CHD8: variants seen among roughly 807,000 people sequenced by gnomAD.
CHD8 encodes the protein chromodomain helicase DNA binding protein 8.
In CHD8, 31 loss-of-function variants were observed where a neutral mutation model predicts 279.2. That is an observed-to-expected ratio of 0.11 (90% CI 0.08 to 0.15). The LOEUF is 0.15. CHD8 is among the 10% of genes least tolerant of loss of function. CHD8 has a pLI of 1.00. For synonymous variants in CHD8, 1,081 were observed against 1,139.6 expected (o/e 0.95, Z 1.04); for missense variants, 2,146 against 3,230.5 (o/e 0.66, Z 8.14).
At chr14:21,386,732 G>A (rs377314632) in intron 37 of CHD8, among the ~76,000 whole-genome samples, 7 of 152,012 alleles carry the variant, frequency 4.6e-5, no homozygotes, top group African/African-American at 9.7e-5. Context: ...ACAGCTACTC[G>A]GGAGGCTGAG....
At position 21,400,063 on chromosome 14, in the gene CHD8, A is replaced by G. The variant is rs1379911697; in HGVS notation, c.4735T>C (p.Leu1579=). The change falls in exon 25 of 38, where the codon TTG becomes CTG. Residue 1579 remains leucine (L), a synonymous_variant. Transcript: ENST00000646647. The surrounding 1 kb of genome is among the most constrained non-coding windows in gnomAD (Gnocchi z 4.2). ...AGGTAGTATAGCATTCGTACCCGCA[A>G]CAGTACCCTAGAAAGGACAGAGGAA... ...HLKHQCNKVL[L]RVRMLYYLRQ... is the part of the protein sequence containing the mutation. 10 of 1,613,782 alleles carry G rather than the reference A, an allele frequency of 6.2e-6. No individual in the cohort carries two copies. Among genetic ancestry groups the G allele is most frequent in the Non-Finnish European group, 8.5e-6 (10 of 1,179,824 alleles).
chr14:21,444,515 G>A (rs1281124861), intron 1 of CHD8, among the ~76,000 whole-genome samples: 1 of 152,070 alleles, frequency 6.6e-6, no homozygotes, highest in Non-Finnish European at 1.5e-5. Flanking sequence ...GTCAGCCTAA[G>A]CCTGCTCTAG....
chr14:21,432,230 C>CCAGAATTA (rs1318103003), intron 1 of CHD8, among the ~76,000 whole-genome samples: 2 of 152,100 alleles, frequency 1.3e-5, no homozygotes, highest in Admixed American at 6.5e-5. Context: ...AAATATGCCA[C>CCAGAATTA]CAGAATTACA....
intron 21 of CHD8, 40 bp downstream of exon 21, chr14:21,401,363 G>A (rs371635478): frequency 1.7e-6 from 2 of 1,188,404 alleles, no homozygotes; most frequent in Non-Finnish European, 2.4e-6. Flanking sequence ...AAAGTAGTGT[G>A]GTCTTCTGCG....
chr14:21,432,000 C>G lies in CHD8; in HGVS notation c.-215-142G>C, dbSNP rs1889585763. Reference sequence around the variant, plus strand: ...GTGAGGAAATCTGAGGACGGACATACAGCAGAAAGACACTCATATTTCTGC... The same window carrying G: ...GTGAGGAAATCTGAGGACGGACATAGAGCAGAAAGACACTCATATTTCTGC... On this transcript the variant is annotated intron_variant, in intron 1 of 37. Coordinates refer to ENST00000646647, the MANE Select transcript of CHD8 (RefSeq NM_001170629.2). The G allele has an allele frequency of 8.0e-6, 5 of 623,326 alleles. No homozygotes were observed. The Admixed American group carries it at 1.1e-4, about 14-fold the overall frequency. The allele number at this position is 623,326 out of a possible 1,614,324, so 38.6% of individuals were successfully genotyped here.
At position 21,408,136 on chromosome 14, in the gene CHD8, A is replaced by T. The variant is rs982946354; in HGVS notation, c.2730+176T>A. On this transcript the variant is annotated intron_variant, in intron 13 of 37. Coordinates refer to ENST00000646647, the MANE Select transcript of CHD8 (RefSeq NM_001170629.2). The surrounding 1 kb of genome is among the most constrained non-coding windows in gnomAD (Gnocchi z 4.3). ...GTCTACTAGGTAAAAAAAATAGCAA[A>T]GTCAAAAAAATGCCCTGCACACTGC... Among the ~76,000 whole-genome samples, 7 of 152,216 alleles carry T rather than the reference A, an allele frequency of 4.6e-5. No homozygotes were observed. Among genetic ancestry groups the T allele is most frequent in the African/African-American group, 1.7e-4 (7 of 41,450 alleles).
At position 21,394,448 on chromosome 14, in the gene CHD8, C is replaced by A. The variant is rs777491813; in HGVS notation, c.5428G>T (p.Val1810Leu). Residue 1810 changes from valine (V) to leucine (L), a missense_variant, in exon 31 of 38, where the codon GTG (valine) becomes TTG (leucine). Val to Leu is a conservative substitution (Grantham distance 32). Around this residue, in one of 26 missense-constraint regions of CHD8, gnomAD observed 513 missense variants for 637.6 expected, o/e 0.80. Transcript: ENST00000646647. Reference protein sequence around the residue: ...RREQTDFYRVVSTFGVEYDPD... With the variant: ...RREQTDFYRVLSTFGVEYDPD... ...TCATATTCCACACCAAACGTAGACA[C>A]CACTCGATAAAAATCAGTTTGTTCA... 4 of 1,610,382 alleles carry A rather than the reference C, an allele frequency of 2.5e-6. No homozygotes were observed. The highest frequency in any genetic ancestry group is 3.4e-6 in the Non-Finnish European group (4 of 1,178,130).
At chr14:21,415,346 A>G (rs1156895548) in intron 7 of CHD8, 3 of 330,516 alleles carry the variant, frequency 9.1e-6, no homozygotes, top group African/African-American at 6.4e-5. Flanking sequence ...ATATTAAGAT[A>G]GAGAAAAGCC....
intron 5 of CHD8, 149 bp downstream of exon 5, chr14:21,425,979 C>T (rs1442054328): frequency 6.8e-6 from 4 of 592,178 alleles, no homozygotes; most frequent in Non-Finnish European, 1.2e-5. Context: ...AAGACACTGG[C>T]CAGGTCCATC....
intron 1 of CHD8, among the ~76,000 whole-genome samples, chr14:21,439,841 G>C (rs1357271643): frequency 6.6e-6 from 1 of 152,096 alleles, no homozygotes; most frequent in Non-Finnish European, 1.5e-5. Flanking sequence ...TTTCTAATCT[G>C]AGCCTAATAT....
intron 3 of CHD8, 141 bp downstream of exon 3, chr14:21,428,823 G>A: frequency 1.5e-6 from 1 of 679,758 alleles, no homozygotes; most frequent in Non-Finnish European, 2.4e-6. Context: ...TTCCATGAAT[G>A]AAAGAATTAA....
chr14:21,422,609 G>A (rs988802065), intron 5 of CHD8, among the ~76,000 whole-genome samples: 17 of 152,126 alleles, frequency 1.1e-4, no homozygotes, highest in Admixed American at 3.9e-4. Flanking sequence ...CAGAATACCC[G>A]GGACTGGGTA....
intron 1 of CHD8, among the ~76,000 whole-genome samples, chr14:21,445,997 TC>T (rs980513885): frequency 6.7e-6 from 1 of 149,792 alleles, no homozygotes; most frequent in African/African-American, 2.5e-5. Context: ...AGACTCCGTC[TC>T]AAAAAAAAGA....
chr14:21,451,571 CAAAAAAAAAAAAAAAAAA>C lies in CHD8; in HGVS notation c.-216+4443_-216+4460del, dbSNP rs969355375. On this transcript the variant is annotated intron_variant, in intron 1 of 37. Transcript: ENST00000646647. The stretch of plus-strand genomic sequence containing the variant: ...TGGGCAACAGAGTGAGACTCTGTCT[CAAAAAAAAAAAAAAAAAA>C]AAAAAAAAAAAAGTAATTATCTATG... 1.3e-4 allele frequency among the ~76,000 whole-genome samples: 4 copies of C among 31,634 alleles called. No homozygotes were observed. The South Asian group carries it at 4.0e-3, about 32-fold the overall frequency. 20.8% of individuals were successfully genotyped at this position (31,634 alleles called of 152,430 possible).
chr14:21,395,267 C>A (rs1887727378), intron 29 of CHD8, 31 bp downstream of exon 29: 1 of 1,575,730 alleles, frequency 6.3e-7, no homozygotes, highest in Non-Finnish European at 8.7e-7. Flanking sequence ...CCACCCCACA[C>A]AGAATTATAC....
chr14:21,444,773 G>A (rs759965522), intron 1 of CHD8, among the ~76,000 whole-genome samples: 2 of 151,656 alleles, frequency 1.3e-5, no homozygotes, highest in Non-Finnish European at 2.9e-5. Flanking sequence ...TTTGGTCCTA[G>A]ACCTTCTTTT....
At chr14:21,432,906 C>T (rs185092185) in intron 1 of CHD8, among the ~76,000 whole-genome samples, 2 of 152,040 alleles carry the variant, frequency 1.3e-5, no homozygotes, top group African/African-American at 4.8e-5. Flanking sequence ...CCAAATGGTT[C>T]CTTTGCGCAA....
At position 21,395,119 on chromosome 14, in the gene CHD8, G is replaced by C. The variant is rs1450735396; in HGVS notation, c.5183C>G (p.Ala1728Gly). The C allele has an allele frequency of 3.1e-6, 5 of 1,612,942 alleles. No individual in the cohort carries two copies. Among genetic ancestry groups the C allele is most frequent in the Non-Finnish European group, 4.2e-6 (5 of 1,179,450 alleles). The change falls in exon 30 of 38, where the codon GCC (alanine) becomes GGC (glycine). Residue 1728 changes from alanine to glycine, a missense_variant and splice_region_variant. Around this residue, in one of 26 missense-constraint regions of CHD8, gnomAD observed 75 missense variants for 81.3 expected, o/e 0.92. Transcript: ENST00000646647. ...EEISVIDGDE[A>G]QVTQQPGHLF... is the part of the protein sequence containing the mutation. ...ATGGCCTGGCTGTTGGGTCACCTGG[G>C]CTGTGGAAAACAAAGTAGAATGAAT... is the stretch of plus-strand genomic sequence containing the variant.
chr14:21,443,685 T>C (rs1056970569), intron 1 of CHD8, among the ~76,000 whole-genome samples: 4 of 151,670 alleles, frequency 2.6e-5, no homozygotes, highest in African/African-American at 9.7e-5. Context: ...AAACCCCATC[T>C]CTACTAAAAA....
Sources: allele counts gnomAD v4.1 joint callset (sites outside exome capture counted in the v4.1 genomes callset), GRCh38; gene constraint gnomAD v4.1.1; regional missense constraint gnomAD v4.1.1; non-coding constraint Gnocchi (gnomAD v3.1); transcripts MANE v1.5; gene names NCBI Gene and HGNC (gene_info 2026-07-23, HGNC 2026-07-21).